The following MMEL1 variants were observed in gnomAD, a reference collection of about 807,000 sequenced individuals.
MMEL1 encodes membrane metalloendopeptidase like 1, also known as membrane metallo-endopeptidase-like 1.
A neutral mutation model predicts 117.1 loss-of-function variants in MMEL1; 98 were observed. That is an observed-to-expected ratio of 0.84 (90% CI 0.71 to 0.99). MMEL1 has a LOEUF of 0.99. Ranked by LOEUF, MMEL1 falls within the 50% of genes least tolerant of loss-of-function variation. The probability of loss-of-function intolerance (pLI) is 0.00; values close to 1 mark genes in which losing one functional copy is unlikely to be tolerated. For missense variants in MMEL1, 1,014 were observed against 1,049.1 expected (o/e 0.97, Z 0.46); for synonymous variants, 390 against 415.1 (o/e 0.94, Z 0.74).
chr1:2,611,208 G>T, intron 4 of MMEL1, 73 bp downstream of exon 4: 1 of 1,446,110 alleles, frequency 6.9e-7, no homozygotes. Flanking sequence ...GCCTTGGGCG[G>T]GGCCTACGTC....
chr1:2,626,436 A>G (rs965952622), intron 2 of MMEL1, among the ~76,000 whole-genome samples: 59 of 152,232 alleles, frequency 3.9e-4, no homozygotes, highest in African/African-American at 1.4e-3. Flanking sequence ...TAAATATTTG[A>G]GGCTTTGTGG....
rs3748816 is a variant in MMEL1 at position 2,595,307 on chromosome 1, A to G, written c.1553T>C (p.Met518Thr). Residue 518 changes from methionine to threonine, a missense_variant, in exon 16 of 24, where the codon ATG becomes ACG. Physicochemically the swap from Met to Thr is moderately conservative, Grantham distance 81 (BLOSUM62 -1). Transcript: ENST00000378412. This position sits in a 1 kb window ranked among gnomAD's most constrained non-coding sequence, Gnocchi z 4.8. Reference sequence around the variant, plus strand: ...GTACTCCTCGTCCAGGCGCCTGTTCATCTCCTCCAGGATGTAGTCAGGGTG... The same window carrying G: ...GTACTCCTCGTCCAGGCGCCTGTTCGTCTCCTCCAGGATGTAGTCAGGGTG... ...IGHPDYILEEMNRRLDEEYSN... is the reference protein window; with the variant it reads ...IGHPDYILEETNRRLDEEYSN... 618,587 of 1,613,220 alleles carry G rather than the reference A, an allele frequency of 0.38. 125,158 individuals are homozygous for G. Among genetic ancestry groups the G allele is most frequent in the African/African-American group, 0.68 (50,980 of 74,970 alleles).
In MMEL1 at chr1:2,596,535, G is replaced by A. The variant is rs372795128; in HGVS notation, c.1401+26C>T. The A allele has an allele frequency of 1.2e-5, 20 of 1,602,868 alleles. No homozygotes were observed. The African/African-American group carries it at 1.6e-4, about 13-fold the overall frequency. On this transcript the variant is annotated intron_variant, in intron 14 of 23. Coordinates refer to ENST00000378412, the MANE Select transcript of MMEL1 (RefSeq NM_033467.4). ...TGTCCCTGTGGAAGGCTGGCCCCGC[G>A]TGGGCCATGGATGAGGGGCGCCCAC...
chr1:2,612,117 C>G lies in MMEL1; in HGVS notation c.232+10G>C. ...CCTGGGGCTGTTTTGGAAGGGAAGGCAAAGGCTACCTCGGGGTTTTCGTTT... is the reference window on the plus strand; with the variant it reads ...CCTGGGGCTGTTTTGGAAGGGAAGGGAAAGGCTACCTCGGGGTTTTCGTTT... On this transcript the variant is annotated intron_variant, in intron 3 of 23. Transcript: ENST00000378412. The surrounding 1 kb of genome is among the most constrained non-coding windows in gnomAD (Gnocchi z 5.4). 1 of 1,571,960 alleles carries G rather than the reference C, an allele frequency of 6.4e-7. No individual in the cohort carries two copies. The highest frequency in any genetic ancestry group is 1.3e-5 in the African/African-American group (1 of 74,132).
chr1:2,609,958 G>A lies in MMEL1; in HGVS notation c.293-127C>T, dbSNP rs576378496. 138 of 1,018,924 alleles carry A rather than the reference G, an allele frequency of 1.4e-4. 1 individual carries two copies. Among genetic ancestry groups the A allele is most frequent in the Admixed American group, 1.9e-4 (7 of 36,242 alleles). 63.1% of individuals were successfully genotyped at this position (1,018,924 alleles called of 1,614,324 possible). A position where few individuals can be genotyped will look rare whatever the true frequency, so the allele number is the denominator to read the frequency against. On this transcript the variant is annotated intron_variant, in intron 4 of 23. Coordinates refer to ENST00000378412, the MANE Select transcript of MMEL1 (RefSeq NM_033467.4). The stretch of plus-strand genomic sequence containing the variant: ...GGAAGGGGCTGCTGTCCATCCAGTC[G>A]CAGCTGTGTGCCCAGGGAGAGTTAA...
At chr1:2,605,004 G>A (rs568297464) in intron 9 of MMEL1, among the ~76,000 whole-genome samples, 4 of 152,274 alleles carry the variant, frequency 2.6e-5, no homozygotes, top group Non-Finnish European at 5.9e-5. Flanking sequence ...ATTGTGTCTG[G>A]CCCTCTGGGG....
chr1:2,603,698 T>A (rs1472567314), intron 11 of MMEL1, among the ~76,000 whole-genome samples, 186 bp downstream of exon 11: 1 of 152,126 alleles, frequency 6.6e-6, no homozygotes, highest in Non-Finnish European at 1.5e-5. Context: ...CCCAGTGACA[T>A]TAGTAATCGT....
chr1:2,604,122 T>TGGCCC, intron 10 of MMEL1, 25 bp downstream of exon 10: 28 of 1,357,418 alleles, frequency 2.1e-5, no homozygotes, highest in Non-Finnish European at 2.7e-5. Context: ...CGCTGCCCGC[T>TGGCCC]CCCCACCCGC....
At position 2,603,935 on chromosome 1, in the gene MMEL1, G is replaced by C; in HGVS notation, c.990C>G (p.Ala330=). The C allele has an allele frequency of 6.2e-7, 1 of 1,613,922 alleles. No homozygotes were observed. Among genetic ancestry groups the C allele is most frequent in the Non-Finnish European group, 8.5e-7 (1 of 1,179,994 alleles). ...CCTCCAGTCCCATCCGGTGGTACAA[G>C]GCGATGACGTCGTGTCTCTCCTCCT... ...VPQEERHDVI[A]LYHRMGLEEL... Residue 330 remains alanine (A), a synonymous_variant, in exon 11 of 24, where the codon GCC becomes GCG. Transcript: ENST00000378412.
intron 2 of MMEL1, among the ~76,000 whole-genome samples, chr1:2,626,152 T>C (rs1638265082): frequency 6.6e-6 from 1 of 152,214 alleles, no homozygotes; most frequent in Non-Finnish European, 1.5e-5. Context: ...TGCGATTATG[T>C]ACCGATTCAT....
rs746281458 is a variant in MMEL1, at chr1:2,593,906, G to C, written c.1775C>G (p.Pro592Arg). Residue 592 changes from proline to arginine, a missense_variant, in exon 19 of 24, where the codon CCC becomes CGC. By Grantham distance (103) the Pro-to-Arg change is moderately radical. Coordinates refer to ENST00000378412, the MANE Select transcript of MMEL1 (RefSeq NM_033467.4). The stretch of plus-strand genomic sequence containing the variant: ...CTGTGGCTGCTCCTTGCTGAAGAAG[G>C]GGGGCTGGAGGATCCCGGCAGGGAA... Reference protein sequence around the residue: ...IVFPAGILQPPFFSKEQPQAL... With the variant: ...IVFPAGILQPRFFSKEQPQAL... 8.7e-6 allele frequency: 14 copies of C among 1,610,700 alleles called. No homozygotes were observed. Among genetic ancestry groups the C allele is most frequent in the Non-Finnish European group, 4.2e-6 (5 of 1,178,440 alleles).
At chr1:2,593,001 C>T (rs555768297) in intron 19 of MMEL1, 35 bp from the exon 20 acceptor site, 1 of 1,607,140 alleles carries the variant, frequency 6.2e-7, no homozygotes, top group African/African-American at 1.3e-5. Flanking sequence ...CCCACATGCC[C>T]CTGGCTGCAC....
At chr1:2,591,749 G>C in intron 22 of MMEL1, 116 bp from the exon 23 acceptor site, 1 of 1,053,544 alleles carries the variant, frequency 9.5e-7, no homozygotes, top group Admixed American at 1.7e-5. Flanking sequence ...AGGGGAGTCA[G>C]CAGGTGCTCC....
chr1:2,591,669 TGGTGGGGTGGCCAGGAGG>T, intron 22 of MMEL1, 36 bp from the exon 23 acceptor site: 1 of 739,052 alleles, frequency 1.4e-6, no homozygotes, highest in Non-Finnish European at 2.0e-6. Flanking sequence ...ACAGGTGGCG[TGGTGGGGTGGCCAGGAGG>T]GGTGGGGGAG....
Position 2,611,345 on chromosome 1 carries a change from G to C in MMEL1, c.233-5C>G. 1 of 1,529,448 alleles carries C rather than the reference G, an allele frequency of 6.5e-7. No individual in the cohort carries two copies. Among genetic ancestry groups the C allele is most frequent in the South Asian group, 1.3e-5 (1 of 79,668 alleles). The allele number at this position is 1,529,448 out of a possible 1,614,324, so 94.7% of individuals were successfully genotyped here. A position where few individuals can be genotyped will look rare whatever the true frequency, so the allele number is the denominator to read the frequency against. On this transcript the variant is annotated splice_polypyrimidine_tract_variant and splice_region_variant and intron_variant, in intron 3 of 23. Transcript: ENST00000378412. ...CCTCTTGGGCCTCTGGGATCCCTGCGGGCAAGGAGCAGCCTGAGCACCGGG... is the reference window on the plus strand; with the variant it reads ...CCTCTTGGGCCTCTGGGATCCCTGCCGGCAAGGAGCAGCCTGAGCACCGGG...
intron 6 of MMEL1, 61 bp from the exon 7 acceptor site, chr1:2,607,130 G>A: frequency 6.8e-7 from 1 of 1,466,578 alleles, no homozygotes; most frequent in Non-Finnish European, 9.5e-7. Context: ...CCACGACACA[G>A]AACTGTGGGG....
intron 9 of MMEL1, among the ~76,000 whole-genome samples, chr1:2,605,275 G>C (rs189596285): frequency 6.6e-6 from 1 of 152,214 alleles, no homozygotes; most frequent in Non-Finnish European, 1.5e-5. Context: ...CAGAGCCTGG[G>C]TCTGTACTGA....
chr1:2,604,142 C>A lies in MMEL1; in HGVS notation c.951+5G>T. 6.3e-7 allele frequency: 1 copy of A among 1,598,572 alleles called. No individual in the cohort carries two copies. The highest frequency in any genetic ancestry group is 1.7e-5 in the Admixed American group (1 of 59,348). On this transcript the variant is annotated splice_donor_5th_base_variant and intron_variant, in intron 10 of 23. Coordinates refer to ENST00000378412, the MANE Select transcript of MMEL1 (RefSeq NM_033467.4). Reference sequence around the variant, plus strand: ...CCCGCTCCCCACCCGCCCCGGCCCCCTTACCTTGGCCAGCTGTGTCTCCAG... The same window carrying A: ...CCCGCTCCCCACCCGCCCCGGCCCCATTACCTTGGCCAGCTGTGTCTCCAG...
chr1:2,598,090 C>T, intron 13 of MMEL1, 117 bp downstream of exon 13: 2 of 988,156 alleles, frequency 2.0e-6, no homozygotes, highest in Admixed American at 1.9e-5. Flanking sequence ...CCTCGCCCTG[C>T]CTCGTCCATG....
Sources: allele counts gnomAD v4.1 joint callset (sites outside exome capture counted in the v4.1 genomes callset), GRCh38; gene constraint gnomAD v4.1.1; non-coding constraint Gnocchi (gnomAD v3.1); transcripts MANE v1.5; gene names NCBI Gene and HGNC (gene_info 2026-07-23, HGNC 2026-07-21).